Variants in BOK observed in about 807,000 individuals in gnomAD.
The protein encoded by BOK is bcl-2-related ovarian killer protein.
BOK carries 20 observed loss-of-function variants against 18.3 expected under a neutral mutation model. That is an observed-to-expected ratio of 1.09 (90% CI 0.77 to 1.59). BOK has a LOEUF of 1.59. BOK is among the 40% of genes most tolerant of loss of function. BOK has a pLI of 0.00. For missense variants in BOK, 348 were observed against 307.9 expected, an observed-to-expected ratio of 1.13 and a Z score of -0.97; for synonymous variants, 173 against 142.4, an observed-to-expected ratio of 1.21 and a Z score of -1.53.
rs900778785 is a variant in BOK at position 241,572,672 on chromosome 2, C to T, written c.*250C>T. On this transcript the variant is annotated 3_prime_UTR_variant, in exon 5 of 5. Transcript: ENST00000318407. Reference sequence around the variant, plus strand: ...CCGCTTGTGTCCCTTCTCCTGTGATCTCTGTGTTTTCCCTTTTCTTTCTGG... The same window carrying T: ...CCGCTTGTGTCCCTTCTCCTGTGATTTCTGTGTTTTCCCTTTTCTTTCTGG... 9 of 570,728 alleles carry T rather than the reference C, an allele frequency of 1.6e-5. No individual in the cohort carries two copies. The allele number at this position is 570,728 out of a possible 1,614,324, so 35.4% of individuals were successfully genotyped here. A position where few individuals can be genotyped will look rare whatever the true frequency, so the allele number is the denominator to read the frequency against.
At chr2:241,571,303 C>CGGCCA (rs2066715184) in intron 4 of BOK, among the ~76,000 whole-genome samples, 1 of 152,138 alleles carries the variant, frequency 6.6e-6, no homozygotes, top group Non-Finnish European at 1.5e-5. Flanking sequence ...TGCCCTGCTC[C>CGGCCA]GGCCAGACCG....
At position 241,562,340 on chromosome 2, in the gene BOK, C is replaced by T. The variant is rs766826365; in HGVS notation, c.221-8C>T. ...GGCTGCCTCTCACCTGCTCTTGTGA[C>T]CACACAGGCGATGAGCTGGAGATGA... On this transcript the variant is annotated splice_region_variant and splice_polypyrimidine_tract_variant and intron_variant, in intron 2 of 4. Coordinates refer to ENST00000318407, the MANE Select transcript of BOK (RefSeq NM_032515.5). The surrounding 1 kb of genome is among the most constrained non-coding windows in gnomAD (Gnocchi z 4.5). The T allele has an allele frequency of 1.9e-6, 3 of 1,593,106 alleles. No homozygotes were observed. In the African/African-American group the frequency reaches 4.0e-5, roughly 21 times the overall value.
In BOK at chr2:241,572,492, A is replaced by G. The variant is rs903756436; in HGVS notation, c.*70A>G. On this transcript the variant is annotated 3_prime_UTR_variant, in exon 5 of 5. Transcript: ENST00000318407. ...CGCAGGAGGCCCTCAGCACCCGAACACATCTTCCTCCTCCCCACCCGAGCC... is the reference window on the plus strand; with the variant it reads ...CGCAGGAGGCCCTCAGCACCCGAACGCATCTTCCTCCTCCCCACCCGAGCC... The G allele has an allele frequency of 6.5e-7, 1 of 1,536,830 alleles. No homozygotes were observed. Among genetic ancestry groups the G allele is most frequent in the South Asian group, 1.2e-5 (1 of 83,764 alleles).
chr2:241,572,222 G>C (rs189930460), intron 4 of BOK, 75 bp from the exon 5 acceptor site: 2 of 1,582,254 alleles, frequency 1.3e-6, no homozygotes, highest in East Asian at 4.5e-5. Flanking sequence ...GGTGCACGGT[G>C]CTGGGGGGCC....
intron 3 of BOK, among the ~76,000 whole-genome samples, chr2:241,565,505 G>A (rs994438895): frequency 6.6e-6 from 1 of 152,086 alleles, no homozygotes; most frequent in South Asian, 2.1e-4. Context: ...GCCTCCAAGT[G>A]CTTTACACAT....
rs1181664262 is a variant in BOK, at chr2:241,562,175, G to A, written c.221-173G>A. The stretch of plus-strand genomic sequence containing the variant: ...TCCCTAGGGGCCAAGGTTGGGGGAT[G>A]GCCCAAGGGAGGTCAGATGGGGTCA... On this transcript the variant is annotated intron_variant, in intron 2 of 4. Transcript: ENST00000318407. The surrounding 1 kb of genome is among the most constrained non-coding windows in gnomAD (Gnocchi z 4.5). 6.6e-6 allele frequency among the ~76,000 whole-genome samples: 1 copy of A among 152,248 alleles called. No individual in the cohort carries two copies. Among genetic ancestry groups the A allele is most frequent in the Non-Finnish European group, 1.5e-5 (1 of 68,038 alleles).
upstream of BOK, among the ~76,000 whole-genome samples, chr2:241,557,841 A>G (rs541154253): frequency 4.3e-3 from 651 of 152,306 alleles, 4 homozygotes; most frequent in Non-Finnish European, 7.8e-3. Flanking sequence ...GAGAGGACAC[A>G]CTGTAAGATT....
chr2:241,554,895 G>A (rs2066439016), upstream of BOK, among the ~76,000 whole-genome samples: 1 of 152,208 alleles, frequency 6.6e-6, no homozygotes, highest in South Asian at 2.1e-4. Flanking sequence ...ACCAACCAGG[G>A]ACCGAGTTCC....
chr2:241,561,412 G>A (rs905366073), intron 2 of BOK, among the ~76,000 whole-genome samples: 11 of 151,910 alleles, frequency 7.2e-5, no homozygotes, highest in Non-Finnish European at 8.8e-5. Flanking sequence ...TGGGAGCGTG[G>A]CAGTGAGGGT....
intron 4 of BOK, among the ~76,000 whole-genome samples, chr2:241,571,876 G>T (rs2066727969): frequency 6.6e-6 from 1 of 152,222 alleles, no homozygotes; most frequent in African/African-American, 2.4e-5. Flanking sequence ...CCCCTTCCTG[G>T]TAGCCCAGGC....
chr2:241,567,545 C>A (rs1001047874), intron 3 of BOK, among the ~76,000 whole-genome samples: 1 of 135,046 alleles, frequency 7.4e-6, no homozygotes, highest in Admixed American at 7.4e-5. Context: ...GAGGAACAGC[C>A]CCACGTGCTG....
At chr2:241,568,929 T>C (rs903264382) in intron 3 of BOK, among the ~76,000 whole-genome samples, 8 of 152,132 alleles carry the variant, frequency 5.3e-5, no homozygotes, top group African/African-American at 1.9e-4. Context: ...TCTTTGCATG[T>C]ACAGTGTCCT....
chr2:241,562,622 G>T lies in BOK; in HGVS notation c.349+146G>T. ...TGCCATCTCACTGCTGCAGGTGTCA[G>T]GAGCTGCCCAGCCACCAGCGTGGGC... On this transcript the variant is annotated intron_variant, in intron 3 of 4. Coordinates refer to ENST00000318407, the MANE Select transcript of BOK (RefSeq NM_032515.5). This position sits in a 1 kb window ranked among gnomAD's most constrained non-coding sequence, Gnocchi z 4.5. 8.8e-7 allele frequency: 1 copy of T among 1,136,020 alleles called. No individual in the cohort carries two copies. The highest frequency in any genetic ancestry group is 1.2e-6 in the Non-Finnish European group (1 of 839,926). 70.4% of individuals were successfully genotyped at this position (1,136,020 alleles called of 1,614,324 possible). A position where few individuals can be genotyped will look rare whatever the true frequency, so the allele number is the denominator to read the frequency against.
chr2:241,561,726 G>A (rs1319133549), intron 2 of BOK, among the ~76,000 whole-genome samples: 1 of 137,320 alleles, frequency 7.3e-6, no homozygotes, highest in African/African-American at 2.7e-5. Context: ...TGGCAGTGCG[G>A]GTGGCCCAGG....
intron 2 of BOK, 128 bp downstream of exon 2, chr2:241,559,831 G>A: frequency 5.4e-6 from 6 of 1,111,752 alleles, no homozygotes; most frequent in Non-Finnish European, 6.9e-6. Context: ...CAGGCGCTCG[G>A]GACAGGGCCA....
chr2:241,568,651 C>G (rs141678086), intron 3 of BOK, among the ~76,000 whole-genome samples: 6,190 of 152,264 alleles, frequency 0.041, 453 homozygotes, highest in African/African-American at 0.14. Flanking sequence ...CTCCTGACCT[C>G]AGGTGATCTG....
chr2:241,570,017 T>G (rs1175351392), intron 3 of BOK, 108 bp from the exon 4 acceptor site: 1 of 1,364,224 alleles, frequency 7.3e-7, no homozygotes, highest in Non-Finnish European at 9.8e-7. Context: ...TCCCTGGTCA[T>G]TAGCTGGACG....
At chr2:241,557,916 C>A (rs2066466083), upstream of BOK, among the ~76,000 whole-genome samples, 2 of 152,156 alleles carry the variant, frequency 1.3e-5, no homozygotes, top group African/African-American at 2.4e-5. Context: ...CGATAAACAT[C>A]CTATGTGCAC....
upstream of BOK, among the ~76,000 whole-genome samples, chr2:241,557,906 C>T (rs944120624): frequency 9.2e-5 from 14 of 152,186 alleles, no homozygotes; most frequent in East Asian, 3.9e-4. Context: ...TGGTCTATTT[C>T]GATAAACATC....
Sources: allele counts gnomAD v4.1 joint callset (sites outside exome capture counted in the v4.1 genomes callset), GRCh38; gene constraint gnomAD v4.1.1; non-coding constraint Gnocchi (gnomAD v3.1); transcripts MANE v1.5; gene names NCBI Gene and HGNC (gene_info 2026-07-23, HGNC 2026-07-21).